Variants in PTPRD observed in about 807,000 individuals in gnomAD.
PTPRD encodes protein tyrosine phosphatase receptor type D.
In PTPRD, 34 loss-of-function variants were observed where a neutral mutation model predicts 214.5. The observed-to-expected ratio is 0.16, with a 90% CI of 0.12 to 0.21. PTPRD has a LOEUF of 0.21. Among genes scored for constraint, PTPRD ranks in the 10% least tolerant of loss-of-function variants. The probability of loss-of-function intolerance (pLI) is 1.00; values close to 1 mark genes in which losing one functional copy is unlikely to be tolerated. For synonymous variants in PTPRD, 1,128 were observed against 845.7 expected (o/e 1.33, Z -5.79); for missense variants, 2,545 against 2,398.7 (o/e 1.06, Z -1.27).
chr9:9,066,674 C>G (rs324505), intron 10 of PTPRD, among the ~76,000 whole-genome samples: 148,446 of 152,254 alleles, frequency 0.97, 72,495 homozygotes, highest in Middle Eastern at 1. Flanking sequence ...GAGAGGCAGA[C>G]GAAGATTTCA....
At chr9:8,554,622 T>C (rs894026798) in intron 14 of PTPRD, among the ~76,000 whole-genome samples, 46 of 152,208 alleles carry the variant, frequency 3.0e-4, no homozygotes, top group Non-Finnish European at 5.0e-4. Flanking sequence ...TGCCAGGCTA[T>C]TGAAGCAAAT....
chr9:8,649,330 C>G (rs1462930515), intron 12 of PTPRD, among the ~76,000 whole-genome samples: 2 of 152,194 alleles, frequency 1.3e-5, no homozygotes, highest in African/African-American at 4.8e-5. Flanking sequence ...GCCTTCCAAC[C>G]AAAGTGAGTT....
At chr9:10,507,582 C>T (rs10217261) in intron 2 of PTPRD, among the ~76,000 whole-genome samples, 48,541 of 151,908 alleles carry the variant, frequency 0.32, 8,096 homozygotes, top group Middle Eastern at 0.38. Context: ...AACAGCATGC[C>T]ACTGGTACCA....
chr9:9,471,575 C>T (rs2094588821), intron 8 of PTPRD, among the ~76,000 whole-genome samples: 1 of 152,022 alleles, frequency 6.6e-6, no homozygotes, highest in Non-Finnish European at 1.5e-5. Context: ...GTCAAAATTG[C>T]TATATTTTAA....
chr9:8,953,421 C>T (rs1366982197), intron 11 of PTPRD, among the ~76,000 whole-genome samples: 1 of 151,814 alleles, frequency 6.6e-6, no homozygotes, highest in Non-Finnish European at 1.5e-5. Context: ...AATAAATACC[C>T]TTCTTGATAT....
intron 9 of PTPRD, among the ~76,000 whole-genome samples, chr9:9,224,381 C>G (rs535893728): frequency 6.6e-6 from 1 of 151,984 alleles, no homozygotes; most frequent in Non-Finnish European, 1.5e-5. Context: ...ATTGCGTAAA[C>G]TTCATTTTCA....
chr9:10,439,484 T>A (rs1348476906), intron 2 of PTPRD, among the ~76,000 whole-genome samples: 1 of 151,804 alleles, frequency 6.6e-6, no homozygotes, highest in African/African-American at 2.4e-5. Context: ...ACATTGGACA[T>A]TTATTTACAA....
intron 8 of PTPRD, among the ~76,000 whole-genome samples, chr9:9,504,898 A>G (rs1423937558): frequency 6.6e-6 from 1 of 151,708 alleles, no homozygotes; most frequent in African/African-American, 2.4e-5. Flanking sequence ...CACAGTAGCA[A>G]CAAAAAGAAA....
chr9:9,355,629 G>T (rs113234351), intron 9 of PTPRD, among the ~76,000 whole-genome samples: 1,538 of 151,596 alleles, frequency 0.01, 21 homozygotes, highest in African/African-American at 0.035. Context: ...GATAAGTCAA[G>T]CAGGAAGTTG....
At chr9:8,327,918 G>C (rs894958675) in intron 44 of PTPRD, among the ~76,000 whole-genome samples, 2 of 151,826 alleles carry the variant, frequency 1.3e-5, no homozygotes, top group African/African-American at 4.8e-5. Flanking sequence ...CTTTGCATGT[G>C]AGATGGGTCT....
chr9:9,471,771 G>C (rs947054005), intron 8 of PTPRD, among the ~76,000 whole-genome samples: 2 of 99,180 alleles, frequency 2.0e-5, no homozygotes, highest in African/African-American at 6.4e-5. Context: ...TGCACTTTAG[G>C]CATTCACCCC....
chr9:8,507,195 A>C, intron 22 of PTPRD, 106 bp downstream of exon 22: 1 of 1,269,058 alleles, frequency 7.9e-7, no homozygotes, highest in Non-Finnish European at 1.1e-6. Context: ...TTTTCCATCA[A>C]GGTCCTCAAT....
At chr9:10,535,403 A>T (rs1002360170) in intron 2 of PTPRD, among the ~76,000 whole-genome samples, 1 of 152,168 alleles carries the variant, frequency 6.6e-6, no homozygotes, top group Non-Finnish European at 1.5e-5. Flanking sequence ...CTGATTCATT[A>T]GAAAATTTAC....
At chr9:10,144,042 C>A (rs1440956534) in intron 3 of PTPRD, among the ~76,000 whole-genome samples, 1 of 151,968 alleles carries the variant, frequency 6.6e-6, no homozygotes, top group Admixed American at 6.6e-5. Context: ...ATTGTACACT[C>A]TGATTCTAAA....
chr9:8,696,292 G>C (rs1394454123), intron 12 of PTPRD, among the ~76,000 whole-genome samples: 1 of 152,192 alleles, frequency 6.6e-6, no homozygotes, highest in African/African-American at 2.4e-5. Context: ...TGCAGATGAA[G>C]GAGTAAATCA....
intron 10 of PTPRD, among the ~76,000 whole-genome samples, chr9:9,104,599 G>GT (rs1569542918): frequency 6.6e-6 from 1 of 152,204 alleles, no homozygotes; most frequent in East Asian, 1.9e-4. Flanking sequence ...AACAAGTGCT[G>GT]TAAGAACCAT....
intron 11 of PTPRD, among the ~76,000 whole-genome samples, chr9:8,857,459 C>G (rs2097946206): frequency 6.6e-6 from 1 of 152,126 alleles, no homozygotes; most frequent in African/African-American, 2.4e-5. Context: ...GACCTCTGCC[C>G]GAGGAGGTCC....
chr9:8,613,402 A>G (rs1030174529), intron 14 of PTPRD, among the ~76,000 whole-genome samples: 5 of 152,150 alleles, frequency 3.3e-5, no homozygotes, highest in African/African-American at 1.2e-4. Flanking sequence ...CTTCTGGGAA[A>G]CAGAGCACTT....
intron 14 of PTPRD, among the ~76,000 whole-genome samples, chr9:8,578,846 A>T (rs909747400): frequency 1.3e-5 from 2 of 152,240 alleles, no homozygotes; most frequent in Admixed American, 1.3e-4. Context: ...CAGGAGTTAA[A>T]CTTCAAATTA....
Sources: gnomAD v4.1 joint callset for allele counts (sites outside exome capture counted in the v4.1 genomes callset) on GRCh38, gnomAD v4.1.1 for gene constraint, MANE v1.5 for transcripts, NCBI Gene and HGNC (gene_info 2026-07-23, HGNC 2026-07-21) for gene names.